The following NRXN1 variants were observed in gnomAD, a reference collection of about 807,000 sequenced individuals.
NRXN1 encodes the protein neurexin-1.
A neutral mutation model predicts 150.9 loss-of-function variants in NRXN1; 39 were observed. That is an observed-to-expected ratio of 0.26 (90% CI 0.20 to 0.34). NRXN1 has a LOEUF of 0.34. NRXN1 is among the 10% of genes least tolerant of loss of function. NRXN1 has a pLI of 1.00. For synonymous variants in NRXN1, 924 were observed against 757.0 expected (o/e 1.22, Z -3.62); for missense variants, 1,815 against 1,949.9 (o/e 0.93, Z 1.30).
intron 17 of NRXN1, among the ~76,000 whole-genome samples, chr2:50,298,781 G>T (rs1286934222): frequency 6.6e-6 from 1 of 152,100 alleles, no homozygotes; most frequent in Non-Finnish European, 1.5e-5. Flanking sequence ...AATGCATGTA[G>T]CTTAGTTGTC....
chr2:50,227,007 T>C (rs1045911577), intron 18 of NRXN1, among the ~76,000 whole-genome samples: 2 of 151,950 alleles, frequency 1.3e-5, no homozygotes, highest in African/African-American at 4.8e-5. Flanking sequence ...ACGAAATAGA[T>C]AAAATTCCCT....
intron 19 of NRXN1, among the ~76,000 whole-genome samples, chr2:50,071,139 T>C (rs953916190): frequency 4.6e-5 from 7 of 152,242 alleles, no homozygotes; most frequent in Admixed American, 6.5e-5. Flanking sequence ...GGCTGTGTCA[T>C]ATACAAGAAG....
chr2:50,027,303 CCTT>C (rs572958782), intron 21 of NRXN1, among the ~76,000 whole-genome samples: 33 of 150,880 alleles, frequency 2.2e-4, no homozygotes, highest in Non-Finnish European at 4.0e-4. Flanking sequence ...TCCCTTCCTT[CCTT>C]CTCCTTCCTT....
At chr2:51,006,642 A>G (rs1005559625) in intron 2 of NRXN1, among the ~76,000 whole-genome samples, 4 of 151,900 alleles carry the variant, frequency 2.6e-5, no homozygotes, top group African/African-American at 7.2e-5. Context: ...CACATACTCA[A>G]AAGGTAAGCT....
At position 50,562,329 on chromosome 2, in the gene NRXN1, C is replaced by CGATAGATAGATAGATAGATA. The variant is rs70948719; in HGVS notation, c.1321-9324_1321-9305dup. ...ATTAGACAAATATATGATAGATATA[C>CGATAGATAGATAGATAGATA]GATAGATAGATAGATAGATAGATAG... On this transcript the variant is annotated intron_variant, in intron 8 of 22. Transcript: ENST00000401669. Among the ~76,000 whole-genome samples the CGATAGATAGATAGATAGATA allele has an allele frequency of 2.6e-3, 389 of 150,002 alleles. 1 individual carries two copies. Among genetic ancestry groups the CGATAGATAGATAGATAGATA allele is most frequent in the East Asian group, 0.017 (87 of 5,042 alleles).
chr2:50,606,872 T>A (rs936812662), intron 8 of NRXN1, among the ~76,000 whole-genome samples: 1 of 152,206 alleles, frequency 6.6e-6, no homozygotes. Context: ...TCTACATTTA[T>A]AACTATTCCA....
At chr2:50,183,203 G>A (rs2152813557) in intron 18 of NRXN1, among the ~76,000 whole-genome samples, 1 of 152,150 alleles carries the variant, frequency 6.6e-6, no homozygotes, top group East Asian at 1.9e-4. Flanking sequence ...TTTTGTCTTA[G>A]GACAACACTG....
intron 17 of NRXN1, among the ~76,000 whole-genome samples, chr2:50,348,886 T>C (rs146375707): frequency 3.4e-3 from 512 of 152,070 alleles, no homozygotes; most frequent in Non-Finnish European, 6.1e-3. Context: ...GAAAGCAACA[T>C]TGAACAGGAA....
intron 17 of NRXN1, among the ~76,000 whole-genome samples, chr2:50,332,119 G>C (rs565361596): frequency 1.3e-5 from 2 of 152,242 alleles, no homozygotes; most frequent in African/African-American, 2.4e-5. Flanking sequence ...ACTAAGAAAT[G>C]AATTGTAAAT....
At chr2:50,504,879 C>T (rs2092139953) in intron 13 of NRXN1, among the ~76,000 whole-genome samples, 1 of 152,176 alleles carries the variant, frequency 6.6e-6, no homozygotes, top group Non-Finnish European at 1.5e-5. Context: ...ATTCTAGCCC[C>T]ACCAGCATCA....
At chr2:50,136,792 A>AT (rs1558953194) in intron 18 of NRXN1, among the ~76,000 whole-genome samples, 1 of 152,242 alleles carries the variant, frequency 6.6e-6, no homozygotes, top group Admixed American at 6.5e-5. Context: ...TAATTTATTT[A>AT]TTTGTTATGG....
Position 49,924,196 on chromosome 2 carries a change from A to G in NRXN1, c.4217-1945T>C, listed in dbSNP as rs148735335. 5.3e-5 allele frequency among the ~76,000 whole-genome samples: 8 copies of G among 152,316 alleles called. No homozygotes were observed. In the East Asian group the frequency reaches 1.2e-3, roughly 22 times the overall value. ...TGGTGTCTCAAGAGCTAAAAAGGGA[A>G]TTTTGTTTAAATGTTACCTAAATCA... is the stretch of plus-strand genomic sequence containing the variant. On this transcript the variant is annotated intron_variant, in intron 22 of 22. Transcript: ENST00000401669.
intron 5 of NRXN1, among the ~76,000 whole-genome samples, chr2:50,850,389 T>C (rs932728711): frequency 6.6e-6 from 1 of 152,212 alleles, no homozygotes; most frequent in South Asian, 2.1e-4. Flanking sequence ...AAAATATTTT[T>C]CTTCTCTGGA....
chr2:50,229,330 TG>T (rs5831102), intron 18 of NRXN1, among the ~76,000 whole-genome samples: 60,852 of 150,902 alleles, frequency 0.4, 12,508 homozygotes, highest in Middle Eastern at 0.45. Context: ...CATTTTTTTT[TG>T]TGTGTGTGTG....
intron 17 of NRXN1, among the ~76,000 whole-genome samples, chr2:50,411,375 A>T (rs2083156106): frequency 6.6e-6 from 1 of 151,944 alleles, no homozygotes; most frequent in South Asian, 2.1e-4. Flanking sequence ...TCGGCTCGCT[A>T]CAACCTCCAC....
chr2:50,668,733 T>C (rs1009509005), intron 5 of NRXN1, among the ~76,000 whole-genome samples: 2 of 151,958 alleles, frequency 1.3e-5, no homozygotes, highest in African/African-American at 2.4e-5. Flanking sequence ...ATTAACAGCA[T>C]AGGGATTCCT....
chr2:51,018,100 G>A (rs963324341), intron 2 of NRXN1, among the ~76,000 whole-genome samples: 4 of 151,992 alleles, frequency 2.6e-5, no homozygotes, highest in Non-Finnish European at 2.9e-5. Context: ...CAGGTGTTGC[G>A]AGGTCCCAAA....
At chr2:50,418,176 T>C (rs982618800) in intron 17 of NRXN1, among the ~76,000 whole-genome samples, 1 of 152,010 alleles carries the variant, frequency 6.6e-6, no homozygotes, top group African/African-American at 2.4e-5. Flanking sequence ...CGATGGAATG[T>C]AGGGAGGGGT....
At chr2:50,578,713 T>C (rs1483843403) in intron 8 of NRXN1, among the ~76,000 whole-genome samples, 1 of 152,034 alleles carries the variant, frequency 6.6e-6, no homozygotes, top group Non-Finnish European at 1.5e-5. Flanking sequence ...TTATAATAAA[T>C]TAAAAAAAAT....
Sources: gnomAD v4.1 joint callset for allele counts (sites outside exome capture counted in the v4.1 genomes callset) on GRCh38, gnomAD v4.1.1 for gene constraint, MANE v1.5 for transcripts, NCBI Gene and HGNC (gene_info 2026-07-23, HGNC 2026-07-21) for gene names.